WDR59: variants seen among roughly 807,000 people sequenced by gnomAD.
WDR59 encodes the protein WD repeat domain 59.
WDR59 carries 100 observed loss-of-function variants against 131.2 expected under a neutral mutation model. The ratio of observed to expected loss-of-function variants is 0.76; its 90% CI spans 0.65 to 0.90. The LOEUF (loss-of-function observed/expected upper bound fraction) is 0.90, where lower values mean the gene tolerates loss of function less well. Among genes scored for constraint, WDR59 ranks in the 40% least tolerant of loss-of-function variants. The pLI is 0.00. For synonymous variants in WDR59, 601 were observed against 466.2 expected (o/e 1.29, Z -3.72); for missense variants, 1,203 against 1,262.2 (o/e 0.95, Z 0.71).
At chr16:74,954,852 G>A (rs2033202493) in intron 3 of WDR59, among the ~76,000 whole-genome samples, 1 of 152,174 alleles carries the variant, frequency 6.6e-6, no homozygotes, top group Non-Finnish European at 1.5e-5. Flanking sequence ...AGTAAAAGAA[G>A]TCAGACACAA....
In WDR59 at chr16:74,930,258, C is replaced by T. The variant is rs551754895; in HGVS notation, c.652-6255G>A. Among the ~76,000 whole-genome samples the T allele has an allele frequency of 3.9e-5, 6 of 152,142 alleles. No individual in the cohort carries two copies. In the South Asian group the frequency reaches 1.0e-3, roughly 26 times the overall value. On this transcript the variant is annotated intron_variant, in intron 8 of 25. Transcript: ENST00000262144. ...TGAGGTGATGGACACCCAATTTGCC[C>T]TAATGTGATTATTACTCATTATATG...
intron 2 of WDR59, among the ~76,000 whole-genome samples, 161 bp from the exon 3 acceptor site, chr16:74,956,771 T>C (rs1467663856): frequency 3.3e-5 from 5 of 152,156 alleles, no homozygotes; most frequent in Non-Finnish European, 7.4e-5. Context: ...AAGTGACAAG[T>C]GTAATTCAAG....
chr16:74,944,399 G>C (rs114026399), intron 6 of WDR59, among the ~76,000 whole-genome samples: 164 of 151,616 alleles, frequency 1.1e-3, no homozygotes, highest in African/African-American at 3.9e-3. Context: ...CTAGTAGGGG[G>C]AGGTTGCAGT....
At chr16:74,950,695 G>A (rs886233955) in intron 4 of WDR59, among the ~76,000 whole-genome samples, 3 of 151,944 alleles carry the variant, frequency 2.0e-5, no homozygotes, top group African/African-American at 7.3e-5. Flanking sequence ...AGCCTCGACT[G>A]GGAGGCGGCT....
At chr16:74,890,003 T>C (rs187040344) in intron 20 of WDR59, among the ~76,000 whole-genome samples, 188 bp from the exon 21 acceptor site, 4 of 152,302 alleles carry the variant, frequency 2.6e-5, no homozygotes, top group Admixed American at 2.6e-4. Context: ...GTTTACACTT[T>C]AACCAACTCT....
chr16:74,904,208 T>C (rs1160293930), intron 17 of WDR59, 108 bp from the exon 18 acceptor site: 3 of 1,356,702 alleles, frequency 2.2e-6, no homozygotes, highest in Admixed American at 4.4e-5. Context: ...AATGAGAAGA[T>C]GGAAACTCCA....
chr16:74,892,982 C>T (rs1965118088), intron 19 of WDR59, among the ~76,000 whole-genome samples: 1 of 152,126 alleles, frequency 6.6e-6, no homozygotes, highest in Non-Finnish European at 1.5e-5. Flanking sequence ...GTTATGAGTT[C>T]GAGTTTAGGA....
intron 1 of WDR59, among the ~76,000 whole-genome samples, chr16:74,971,380 CT>C (rs1417726214): frequency 6.8e-6 from 1 of 147,858 alleles, no homozygotes; most frequent in Admixed American, 6.8e-5. Flanking sequence ...TACCCATACA[CT>C]TTATACTGTA....
rs1445249019 is a variant in WDR59, at chr16:74,909,523, A to C, written c.1620T>G (p.Ser540=). ...CACCTGCTCCGCAGAACCTGGCCCC[A>C]GAAGTCCTAGGAAAGGGAATGTTGG... ...QDANIPFPRT[S]GARFCGAGYL... Residue 540 remains serine, a synonymous_variant, in exon 16 of 26, where the codon TCT becomes TCG. Transcript: ENST00000262144. The C allele has an allele frequency of 6.3e-7, 1 of 1,590,768 alleles. No individual in the cohort carries two copies. The highest frequency in any genetic ancestry group is 1.4e-5 in the African/African-American group (1 of 73,702).
Position 74,888,232 on chromosome 16 carries a change from T to C in WDR59, c.2283A>G (p.Leu761=), listed in dbSNP as rs138261959. 2.5e-4 allele frequency: 407 copies of C among 1,613,866 alleles called. No homozygotes were observed. Among genetic ancestry groups the C allele is most frequent in the Middle Eastern group, 2.0e-3 (12 of 6,056 alleles). The change falls in exon 22 of 26, where the codon CTA becomes CTG. Residue 761 remains leucine, a synonymous_variant. Coordinates refer to ENST00000262144, the MANE Select transcript of WDR59 (RefSeq NM_030581.4). ...VFEAQSRPQG[L]PNPFGPFPNR... is the part of the protein sequence containing the mutation. ...TAGGAAAAGGCCCAAAGGGGTTTGG[T>C]AGCCCCTGAGGCCGAGACTGGGCTT... is the stretch of plus-strand genomic sequence containing the variant.
At chr16:74,957,769 G>A (rs1447569176) in intron 2 of WDR59, among the ~76,000 whole-genome samples, 1 of 152,076 alleles carries the variant, frequency 6.6e-6, no homozygotes, top group African/African-American at 2.4e-5. Flanking sequence ...AGCCCCTGGA[G>A]ATCAATGAGA....
In WDR59 at chr16:74,956,577, G is replaced by A. The variant is rs781297127; in HGVS notation, c.138C>T (p.Ala46=). Residue 46 remains alanine (A), a synonymous_variant, in exon 3 of 26, where the codon GCC becomes GCT. Transcript: ENST00000262144. The part of the protein sequence containing the change: ...RRFLYIVNLD[A]PFEGHRKISR... ...AGATCTTTCGGTGACCTTCGAAAGG[G>A]GCATCTAGATTGACGATGTATAAGA... 4 of 1,614,026 alleles carry A rather than the reference G, an allele frequency of 2.5e-6. No individual in the cohort carries two copies. The highest frequency in any genetic ancestry group is 2.5e-6 in the Non-Finnish European group (3 of 1,180,002).
intron 18 of WDR59, among the ~76,000 whole-genome samples, chr16:74,897,309 C>A (rs946552717): frequency 1.3e-5 from 2 of 152,212 alleles, no homozygotes; most frequent in East Asian, 3.8e-4. Context: ...GGGCACCTCA[C>A]AGTGTTTAGG....
At chr16:74,924,614 GC>G (rs2030593168) in intron 8 of WDR59, among the ~76,000 whole-genome samples, 1 of 152,138 alleles carries the variant, frequency 6.6e-6, no homozygotes, top group South Asian at 2.1e-4. Flanking sequence ...CACAAAGTGA[GC>G]CACACAAACT....
chr16:74,962,988 G>T (rs917322651), intron 2 of WDR59: 2 of 152,134 alleles, frequency 1.3e-5, no homozygotes, highest in African/African-American at 4.8e-5. Flanking sequence ...AGGTACGGTG[G>T]CTCATGCCTG....
At position 74,924,003 on chromosome 16, in the gene WDR59, A is replaced by G; in HGVS notation, c.652T>C (p.Phe218Leu). The G allele has an allele frequency of 6.2e-7, 1 of 1,613,380 alleles. No homozygotes were observed. Among genetic ancestry groups the G allele is most frequent in the East Asian group, 2.2e-5 (1 of 44,884 alleles). Residue 218 changes from phenylalanine (F) to leucine (L), a missense_variant and splice_region_variant, in exon 9 of 26, where the codon TTC becomes CTC. Coordinates refer to ENST00000262144, the MANE Select transcript of WDR59 (RefSeq NM_030581.4). ...TTCCGAGGCTGGCGGTAATCCCAGA[A>G]CTAGAAGAGAGCAAGCAAGATCATT... ...ATSSQDNSVK[F>L]WDYRQPRKYL...
At chr16:74,898,495 C>A (rs548771522) in intron 18 of WDR59, among the ~76,000 whole-genome samples, 2 of 152,180 alleles carry the variant, frequency 1.3e-5, no homozygotes, top group South Asian at 2.1e-4. Flanking sequence ...CCCCTCTGAA[C>A]AAACCAAGAA....
intron 8 of WDR59, among the ~76,000 whole-genome samples, chr16:74,928,694 G>A (rs75906253): frequency 0.084 from 12,835 of 152,064 alleles, 636 homozygotes; most frequent in Admixed American, 0.14. Context: ...TTGAGGTCAG[G>A]AGTTCGAGAC....
chr16:74,912,082 G>T, intron 14 of WDR59, 116 bp downstream of exon 14: 1 of 1,367,176 alleles, frequency 7.3e-7, no homozygotes, highest in Non-Finnish European at 1.0e-6. Flanking sequence ...ATACTAGTGT[G>T]TGTACGAAAC....
Sources: gnomAD v4.1 joint callset for allele counts (sites outside exome capture counted in the v4.1 genomes callset) on GRCh38, gnomAD v4.1.1 for gene constraint, MANE v1.5 for transcripts, NCBI Gene and HGNC (gene_info 2026-07-23, HGNC 2026-07-21) for gene names.